Variants in ROBO1 observed in about 807,000 individuals in gnomAD.
ROBO1 encodes the protein roundabout homolog 1.
ROBO1 carries 149 observed loss-of-function variants against 195.9 expected under a neutral mutation model. That is an observed-to-expected ratio of 0.76 (90% CI 0.67 to 0.87). The LOEUF is 0.87. Among genes scored for constraint, ROBO1 ranks in the 40% least tolerant of loss-of-function variants. ROBO1 has a pLI of 0.00. For missense variants in ROBO1, 1,933 were observed against 2,068.3 expected (o/e 0.93, Z 1.27); for synonymous variants, 816 against 733.2 (o/e 1.11, Z -1.82).
intron 18 of ROBO1, 29 bp downstream of exon 18, chr3:78,657,069 T>C: frequency 6.4e-7 from 1 of 1,562,112 alleles, no homozygotes; most frequent in South Asian, 1.2e-5. Context: ...AGTGAGAGAT[T>C]GTCAAACTGG....
At chr3:79,392,148 T>C (rs1357117864) in intron 2 of ROBO1, among the ~76,000 whole-genome samples, 1 of 152,162 alleles carries the variant, frequency 6.6e-6, no homozygotes, top group African/African-American at 2.4e-5. Flanking sequence ...CCTCTGAGAA[T>C]GTGTCAGAGA....
chr3:79,195,589 A>T (rs1051220319), intron 2 of ROBO1, among the ~76,000 whole-genome samples: 1 of 151,590 alleles, frequency 6.6e-6, no homozygotes, highest in Non-Finnish European at 1.5e-5. Flanking sequence ...GACTTGTATA[A>T]TGAAAAATAT....
At chr3:79,088,463 ATGT>A (rs2079415296) in intron 3 of ROBO1, among the ~76,000 whole-genome samples, 1 of 152,248 alleles carries the variant, frequency 6.6e-6, no homozygotes, top group South Asian at 2.1e-4. Flanking sequence ...AGTCTTAACA[ATGT>A]TGTAAAAATA....
At chr3:79,523,044 T>G (rs1375774009) in intron 2 of ROBO1, among the ~76,000 whole-genome samples, 2 of 152,206 alleles carry the variant, frequency 1.3e-5, no homozygotes, top group African/African-American at 4.8e-5. Flanking sequence ...AGATGACAGT[T>G]ATAATTATCT....
At chr3:78,868,865 T>C (rs1443464385) in intron 4 of ROBO1, among the ~76,000 whole-genome samples, 1 of 152,188 alleles carries the variant, frequency 6.6e-6, no homozygotes, top group African/African-American at 2.4e-5. Context: ...ATATTCCCCT[T>C]TAAATATGTA....
intron 3 of ROBO1, among the ~76,000 whole-genome samples, chr3:79,011,617 C>T (rs1364629677): frequency 1.3e-5 from 2 of 150,914 alleles, no homozygotes; most frequent in East Asian, 1.9e-4. Context: ...CAGGAATGAA[C>T]TTAGCAAGTT....
chr3:79,313,556 C>T (rs188092019), intron 2 of ROBO1, among the ~76,000 whole-genome samples: 12 of 152,168 alleles, frequency 7.9e-5, no homozygotes, highest in African/African-American at 2.9e-4. Context: ...CTGTCAGATT[C>T]GAGTACTTCT....
At chr3:78,855,115 T>A (rs1178828209) in intron 4 of ROBO1, among the ~76,000 whole-genome samples, 1 of 151,618 alleles carries the variant, frequency 6.6e-6, no homozygotes, top group East Asian at 1.9e-4. Context: ...ACACAGAGTG[T>A]CTGATTTGAA....
intron 1 of ROBO1, among the ~76,000 whole-genome samples, chr3:79,595,955 C>G (rs1304570961): frequency 6.6e-6 from 1 of 151,844 alleles, no homozygotes; most frequent in Non-Finnish European, 1.5e-5. Flanking sequence ...AAAAGGTCAG[C>G]CCCATTGTGG....
intron 2 of ROBO1, among the ~76,000 whole-genome samples, chr3:79,263,946 G>T (rs150084602): frequency 5.3e-5 from 8 of 151,956 alleles, no homozygotes; most frequent in African/African-American, 1.9e-4. Context: ...TCATCATCAG[G>T]TTATTGAATT....
At position 79,405,961 on chromosome 3, in the gene ROBO1, C is replaced by T. The variant is rs149072263; in HGVS notation, c.88+183863G>A. Among the ~76,000 whole-genome samples the T allele has an allele frequency of 1.2e-3, 179 of 152,066 alleles. 1 individual carries two copies. The highest frequency in any genetic ancestry group is 6.8e-3 in the Middle Eastern group (2 of 294). On this transcript the variant is annotated intron_variant, in intron 2 of 30. Coordinates refer to ENST00000464233, the MANE Select transcript of ROBO1 (RefSeq NM_002941.4). ...GTTCTTGGGGAATTGTATGATATTG[C>T]TAATAAAATGGCAAAATGAAACACA...
intron 4 of ROBO1, among the ~76,000 whole-genome samples, chr3:78,894,081 AAAG>A: frequency 6.6e-6 from 1 of 152,326 alleles, no homozygotes; most frequent in South Asian, 2.1e-4. Flanking sequence ...CTGAAAATGA[AAAG>A]AATTTAGTTT....
chr3:79,306,458 T>G (rs2033222442), intron 2 of ROBO1, among the ~76,000 whole-genome samples: 1 of 152,198 alleles, frequency 6.6e-6, no homozygotes, highest in African/African-American at 2.4e-5. Context: ...TTGGGCGCTC[T>G]CTCTATCTTT....
At chr3:79,688,425 T>G (rs2107051857) in intron 1 of ROBO1, among the ~76,000 whole-genome samples, 1 of 152,238 alleles carries the variant, frequency 6.6e-6, no homozygotes, top group Middle Eastern at 3.4e-3. Flanking sequence ...TCTTAAACAC[T>G]ATTCCAGTTT....
intron 2 of ROBO1, among the ~76,000 whole-genome samples, chr3:79,298,579 G>A (rs2032722127): frequency 2.0e-5 from 3 of 151,788 alleles, no homozygotes. Flanking sequence ...CTTATTTTGG[G>A]GATGTTCTGA....
At chr3:79,231,338 A>G (rs1010110851) in intron 2 of ROBO1, among the ~76,000 whole-genome samples, 3 of 152,172 alleles carry the variant, frequency 2.0e-5, no homozygotes, top group African/African-American at 7.2e-5. Context: ...TCTAATATTC[A>G]CCACCATTAA....
At chr3:79,749,588 C>T (rs572075441) in intron 1 of ROBO1, among the ~76,000 whole-genome samples, 7 of 152,148 alleles carry the variant, frequency 4.6e-5, no homozygotes, top group Non-Finnish European at 8.8e-5. Flanking sequence ...TCTAGAGTCC[C>T]CCTACTCTGT....
At chr3:79,459,702 T>A (rs2039737132) in intron 2 of ROBO1, among the ~76,000 whole-genome samples, 1 of 152,060 alleles carries the variant, frequency 6.6e-6, no homozygotes, top group African/African-American at 2.4e-5. Context: ...AAAACCAGAA[T>A]AAAATGATCT....
intron 4 of ROBO1, among the ~76,000 whole-genome samples, chr3:78,825,497 G>T (rs2031510296): frequency 6.6e-6 from 1 of 152,170 alleles, no homozygotes; most frequent in Admixed American, 6.5e-5. Flanking sequence ...TGTCTTCAAA[G>T]AGATGGTGCT....
Sources: gnomAD v4.1 joint callset for allele counts (sites outside exome capture counted in the v4.1 genomes callset) on GRCh38, gnomAD v4.1.1 for gene constraint, MANE v1.5 for transcripts, NCBI Gene and HGNC (gene_info 2026-07-23, HGNC 2026-07-21) for gene names.